Variants in NRG1 observed in about 807,000 individuals in gnomAD.
NRG1 encodes the protein neuregulin 1.
In NRG1, 18 loss-of-function variants were observed where a neutral mutation model predicts 63.8. The observed-to-expected ratio is 0.28, with a 90% confidence interval of 0.19 to 0.42. The LOEUF is 0.42. Among genes scored for constraint, NRG1 ranks in the 10% least tolerant of loss-of-function variants. The probability of loss-of-function intolerance (pLI) is 1.00; values close to 1 mark genes in which losing one functional copy is unlikely to be tolerated. For missense variants in NRG1, 762 were observed against 814.7 expected, an observed-to-expected ratio of 0.94 and a Z score of 0.79; for synonymous variants, 302 against 301.3, an observed-to-expected ratio of 1.00 and a Z score of -0.02.
intron 1 of NRG1, among the ~76,000 whole-genome samples, chr8:31,709,162 A>AT (rs1296891225): frequency 1.3e-5 from 2 of 148,584 alleles, no homozygotes; most frequent in African/African-American, 2.5e-5. Flanking sequence ...TTTTTAGGTG[A>AT]TTTTTTATTT....
At chr8:32,053,741 GAA>G (rs1306278737) in intron 1 of NRG1, among the ~76,000 whole-genome samples, 2 of 152,190 alleles carry the variant, frequency 1.3e-5, no homozygotes, top group African/African-American at 4.8e-5. Context: ...TGAGCAAAAA[GAA>G]TGATGAGGAG....
intron 9 of NRG1, among the ~76,000 whole-genome samples, chr8:32,758,776 A>G (rs576955635): frequency 6.6e-6 from 1 of 152,230 alleles, no homozygotes; most frequent in East Asian, 1.9e-4. Flanking sequence ...TAAACATTTC[A>G]GTGACATTAG....
intron 1 of NRG1, among the ~76,000 whole-genome samples, chr8:31,895,974 A>C (rs1831545084): frequency 6.6e-6 from 1 of 152,188 alleles, no homozygotes; most frequent in Non-Finnish European, 1.5e-5. Context: ...TAAAGTTCAC[A>C]GTGACTTTGA....
chr8:32,137,489 A>ACTT (rs1835697942), intron 1 of NRG1, among the ~76,000 whole-genome samples: 1 of 152,112 alleles, frequency 6.6e-6, no homozygotes, highest in Non-Finnish European at 1.5e-5. Context: ...GGAGCAGTTA[A>ACTT]GTATATATTT....
intron 1 of NRG1, among the ~76,000 whole-genome samples, chr8:31,718,306 A>G (rs10092347): frequency 0.23 from 35,091 of 152,006 alleles, 4,317 homozygotes; most frequent in Admixed American, 0.27. Flanking sequence ...TGCTTCGAAA[A>G]ATGGGTGCAA....
chr8:32,485,970 C>T (rs960332827), intron 1 of NRG1, among the ~76,000 whole-genome samples: 3 of 151,982 alleles, frequency 2.0e-5, no homozygotes, highest in Admixed American at 6.6e-5. Flanking sequence ...TCTTATTGCC[C>T]AGGTTGGAGT....
chr8:32,714,770 G>GCA (rs532150479), intron 5 of NRG1, among the ~76,000 whole-genome samples: 2 of 151,948 alleles, frequency 1.3e-5, no homozygotes, highest in African/African-American at 4.8e-5. Context: ...GCATGCGCAT[G>GCA]CACACACACA....
chr8:32,523,740 C>T (rs1409165601), intron 1 of NRG1, among the ~76,000 whole-genome samples: 1 of 151,982 alleles, frequency 6.6e-6, no homozygotes, highest in Non-Finnish European at 1.5e-5. Context: ...ATCCCAGCTA[C>T]TTGAGAGGCT....
At chr8:32,208,592 T>G (rs530966508) in intron 1 of NRG1, among the ~76,000 whole-genome samples, 1 of 152,216 alleles carries the variant, frequency 6.6e-6, no homozygotes, top group South Asian at 2.1e-4. Context: ...TTTGACCATA[T>G]GAAAATATAG....
chr8:32,342,087 G>T (rs180904163), intron 1 of NRG1, among the ~76,000 whole-genome samples: 1 of 152,194 alleles, frequency 6.6e-6, no homozygotes, highest in East Asian at 1.9e-4. Flanking sequence ...TGATGTCAAA[G>T]ACTGTGTCAG....
At chr8:32,254,916 T>G (rs1248662419) in intron 1 of NRG1, among the ~76,000 whole-genome samples, 1 of 152,238 alleles carries the variant, frequency 6.6e-6, no homozygotes, top group Non-Finnish European at 1.5e-5. Flanking sequence ...GATAGTTAAC[T>G]CTTCTTGTTG....
intron 1 of NRG1, among the ~76,000 whole-genome samples, chr8:31,917,593 GT>G (rs1833513496): frequency 1.3e-5 from 2 of 152,096 alleles, no homozygotes; most frequent in African/African-American, 4.8e-5. Context: ...GTACCATGCT[GT>G]TTTGGTTACT....
intron 4 of NRG1, among the ~76,000 whole-genome samples, chr8:32,616,184 T>C (rs1847327351): frequency 6.6e-6 from 1 of 152,094 alleles, no homozygotes; most frequent in South Asian, 2.1e-4. Context: ...TCATTCTCTC[T>C]GTACTTAATG....
At chr8:32,654,295 G>A (rs1392223635) in intron 5 of NRG1, among the ~76,000 whole-genome samples, 2 of 152,090 alleles carry the variant, frequency 1.3e-5, no homozygotes, top group Non-Finnish European at 2.9e-5. Context: ...ATACTAATTA[G>A]TAAAACTTTT....
chr8:32,363,109 C>T (rs927510706), intron 1 of NRG1, among the ~76,000 whole-genome samples: 2 of 152,260 alleles, frequency 1.3e-5, no homozygotes, highest in Non-Finnish European at 2.9e-5. Flanking sequence ...AAACATATGC[C>T]TCATAGTCTG....
intron 1 of NRG1, among the ~76,000 whole-genome samples, chr8:31,751,674 C>G (rs967578542): frequency 9.2e-5 from 14 of 151,934 alleles, no homozygotes; most frequent in African/African-American, 3.4e-4. Flanking sequence ...CAGACTTTCA[C>G]TTCAATCATC....
At chr8:32,007,194 A>G (rs963459486) in intron 1 of NRG1, among the ~76,000 whole-genome samples, 1 of 152,050 alleles carries the variant, frequency 6.6e-6, no homozygotes, top group African/African-American at 2.4e-5. Flanking sequence ...GATCTTGTAA[A>G]TCTAACCATT....
intron 5 of NRG1, among the ~76,000 whole-genome samples, chr8:32,683,133 T>C (rs1006377668): frequency 3.9e-5 from 6 of 152,232 alleles, no homozygotes; most frequent in Non-Finnish European, 7.3e-5. Flanking sequence ...AGAAACACAT[T>C]GTTGTTAAGT....
chr8:31,965,953 GGA>G (rs1415599745), intron 1 of NRG1, among the ~76,000 whole-genome samples: 1 of 152,082 alleles, frequency 6.6e-6, no homozygotes, highest in Non-Finnish European at 1.5e-5. Context: ...AATAGATACT[GGA>G]GACAACAAAA....
Sources: gnomAD v4.1 joint callset for allele counts (sites outside exome capture counted in the v4.1 genomes callset) on GRCh38, gnomAD v4.1.1 for gene constraint, MANE v1.5 for transcripts, NCBI Gene and HGNC (gene_info 2026-07-23, HGNC 2026-07-21) for gene names.